Variants in CHRM5 observed in about 807,000 individuals in gnomAD.
CHRM5 encodes the protein cholinergic receptor muscarinic 5.
CHRM5 carries 18 observed loss-of-function variants against 39.0 expected under a neutral mutation model. The observed-to-expected ratio is 0.46, with a 90% confidence interval of 0.32 to 0.68. The LOEUF (loss-of-function observed/expected upper bound fraction) is 0.68. Ranked by LOEUF, CHRM5 falls within the 30% of genes least tolerant of loss-of-function variation. The probability of loss-of-function intolerance (pLI) is 0.04; values close to 1 mark genes in which losing one functional copy is unlikely to be tolerated. For synonymous variants in CHRM5, 241 were observed against 246.3 expected (o/e 0.98, Z 0.20); for missense variants, 515 against 651.1 (o/e 0.79, Z 2.28).
In CHRM5 at chr15:34,035,128, G is replaced by A. The variant is rs577245017; in HGVS notation, c.-407-11412G>A. ...GTGAAATGAAAATGTCAACGCCATC[G>A]GGTATTAATTACTACTCAGGCTTTG... On this transcript the variant is annotated intron_variant, in intron 1 of 2. Coordinates refer to ENST00000383263, the MANE Select transcript of CHRM5 (RefSeq NM_012125.4). 5.9e-5 allele frequency among the ~76,000 whole-genome samples: 9 copies of A among 152,264 alleles called. No homozygotes were observed. In the South Asian group the frequency reaches 1.0e-3, roughly 18 times the overall value.
At chr15:33,979,259 T>C (rs958185540) in intron 1 of CHRM5, among the ~76,000 whole-genome samples, 1 of 152,172 alleles carries the variant, frequency 6.6e-6, no homozygotes, top group African/African-American at 2.4e-5. Context: ...CGGTGTCCCA[T>C]GCCTGCAATC....
chr15:34,009,358 T>C (rs1223487937), intron 1 of CHRM5, among the ~76,000 whole-genome samples: 2 of 152,212 alleles, frequency 1.3e-5, no homozygotes, highest in African/African-American at 4.8e-5. Flanking sequence ...TATGTAACTA[T>C]AAAATATCAC....
intron 1 of CHRM5, among the ~76,000 whole-genome samples, chr15:34,018,670 G>A (rs1299931058): frequency 6.6e-6 from 1 of 152,168 alleles, no homozygotes; most frequent in Non-Finnish European, 1.5e-5. Context: ...GAATGGAAAG[G>A]GACTCCAGTG....
chr15:34,042,706 TA>T (rs1899522973), intron 1 of CHRM5, among the ~76,000 whole-genome samples: 1 of 151,946 alleles, frequency 6.6e-6, no homozygotes, highest in South Asian at 2.1e-4. Flanking sequence ...CCCGGCAACC[TA>T]AGTTATTTTT....
intron 1 of CHRM5, among the ~76,000 whole-genome samples, chr15:33,973,789 T>G (rs1895750550): frequency 6.6e-6 from 1 of 152,232 alleles, no homozygotes; most frequent in Non-Finnish European, 1.5e-5. Context: ...CACATCTAAT[T>G]TATCTGTCTA....
chr15:33,983,146 G>GTGTGTGTA (rs1555512730), intron 1 of CHRM5, among the ~76,000 whole-genome samples: 12 of 115,294 alleles, frequency 1.0e-4, no homozygotes, highest in African/African-American at 5.5e-4. Context: ...GTGTGTGTGT[G>GTGTGTGTA]TGTGTGTGTG....
At chr15:33,978,001 AGAGGAAGG>A (rs1202683081) in intron 1 of CHRM5, among the ~76,000 whole-genome samples, 1 of 124,232 alleles carries the variant, frequency 8.0e-6, no homozygotes, top group African/African-American at 3.0e-5. Context: ...GAAAAGGAAG[AGAGGAAGG>A]GAGGGAGGGA....
chr15:34,031,779 A>T (rs1324963552), intron 1 of CHRM5, among the ~76,000 whole-genome samples: 2 of 152,224 alleles, frequency 1.3e-5, no homozygotes. Context: ...TGGTCAGATT[A>T]TAACAACAGC....
chr15:33,969,249 C>A (rs1439659767), intron 1 of CHRM5, 99 bp downstream of exon 1: 1 of 151,926 alleles, frequency 6.6e-6, no homozygotes, highest in Non-Finnish European at 1.5e-5. Context: ...TCTTGCAACC[C>A]TTCCTTAAGC....
chr15:34,043,369 A>G (rs375472776), intron 1 of CHRM5, among the ~76,000 whole-genome samples: 5 of 152,292 alleles, frequency 3.3e-5, no homozygotes, highest in African/African-American at 1.2e-4. Flanking sequence ...TGGGGAAAGT[A>G]CCTCTTCCTG....
In CHRM5 at chr15:34,064,159, A is replaced by G; in HGVS notation, c.1442A>G (p.Tyr481Cys). The change falls in exon 3 of 3, where the codon TAT (tyrosine) becomes TGT (cysteine). Residue 481 changes from tyrosine (Y) to cysteine (C), a missense_variant. Physicochemically the swap from Tyr to Cys is radical, Grantham distance 194. Transcript: ENST00000383263. ...CVPVTLWHLG[Y>C]WLCYVNSTVN... is the part of the protein sequence containing the mutation. ...CCAGTCACCCTGTGGCACTTGGGCT[A>G]TTGGTTGTGCTATGTCAATAGCACT... 1 of 1,614,180 alleles carries G rather than the reference A, an allele frequency of 6.2e-7. No homozygotes were observed. The highest frequency in any genetic ancestry group is 8.5e-7 in the Non-Finnish European group (1 of 1,180,038).
chr15:34,004,637 T>C (rs1346496493), intron 1 of CHRM5, among the ~76,000 whole-genome samples: 1 of 152,192 alleles, frequency 6.6e-6, no homozygotes, highest in African/African-American at 2.4e-5. Flanking sequence ...AACACTGAAC[T>C]CTTTATGGAT....
chr15:33,995,862 T>G (rs966864181), intron 1 of CHRM5, among the ~76,000 whole-genome samples: 5 of 152,182 alleles, frequency 3.3e-5, no homozygotes, highest in Non-Finnish European at 7.3e-5. Flanking sequence ...GAGGGCGAGC[T>G]GAAGCGGGGC....
chr15:34,063,851 C>T lies in CHRM5; in HGVS notation c.1134C>T (p.Ala378=), dbSNP rs1310769693. The change falls in exon 3 of 3, where the codon GCC becomes GCT. Residue 378 remains alanine (A), a synonymous_variant. Transcript: ENST00000383263. This position sits in a 1 kb window ranked among gnomAD's most constrained non-coding sequence, Gnocchi z 4.1. ...GACCCAAGAGTCAGAAATGTGTGGC[C>T]TATAAGTTCCGATTGGTGGTAAAAG... The part of the protein sequence containing the change: ...AHRPKSQKCV[A]YKFRLVVKAD... The T allele has an allele frequency of 1.2e-6, 2 of 1,614,156 alleles. No individual in the cohort carries two copies. The highest frequency in any genetic ancestry group is 3.3e-5 in the Admixed American group (2 of 60,018).
At chr15:34,000,503 A>C (rs1479404006) in intron 1 of CHRM5, among the ~76,000 whole-genome samples, 1 of 152,216 alleles carries the variant, frequency 6.6e-6, no homozygotes, top group Non-Finnish European at 1.5e-5. Context: ...GGCAATATCT[A>C]GAAAAGTTTA....
intron 1 of CHRM5, among the ~76,000 whole-genome samples, chr15:33,988,546 C>T (rs1446521834): frequency 2.6e-5 from 4 of 152,154 alleles, no homozygotes; most frequent in Non-Finnish European, 5.9e-5. Context: ...GAAATGACAG[C>T]ACTGATGACC....
intron 1 of CHRM5, among the ~76,000 whole-genome samples, chr15:34,006,286 G>A (rs1036803788): frequency 1.8e-4 from 28 of 151,596 alleles, no homozygotes; most frequent in African/African-American, 5.8e-4. Flanking sequence ...AATCCAGCCC[G>A]GGCAACAGAG....
intron 1 of CHRM5, among the ~76,000 whole-genome samples, chr15:34,037,682 A>G (rs894431511): frequency 6.6e-6 from 1 of 151,802 alleles, no homozygotes; most frequent in Non-Finnish European, 1.5e-5. Flanking sequence ...AAATGTTTTT[A>G]TATCTCATTC....
At chr15:34,035,134 T>A (rs1899057654) in intron 1 of CHRM5, among the ~76,000 whole-genome samples, 2 of 152,244 alleles carry the variant, frequency 1.3e-5, no homozygotes, top group Non-Finnish European at 2.9e-5. Flanking sequence ...CATCGGGTAT[T>A]AATTACTACT....
Sources: gnomAD v4.1 joint callset for allele counts (sites outside exome capture counted in the v4.1 genomes callset) on GRCh38, gnomAD v4.1.1 for gene constraint, Gnocchi (gnomAD v3.1) non-coding constraint, MANE v1.5 for transcripts, NCBI Gene and HGNC (gene_info 2026-07-23, HGNC 2026-07-21) for gene names.